ZNF536: variants seen among roughly 807,000 people sequenced by gnomAD.
ZNF536 encodes zinc finger protein 536.
A neutral mutation model predicts 84.5 loss-of-function variants in ZNF536; 13 were observed. The observed-to-expected ratio is 0.15, with a 90% CI of 0.10 to 0.24. The LOEUF (loss-of-function observed/expected upper bound fraction) is 0.24, where lower values mean the gene tolerates loss of function less well. ZNF536 is among the 10% of genes least tolerant of loss of function. The probability of loss-of-function intolerance (pLI) is 1.00; values close to 1 mark genes in which losing one functional copy is unlikely to be tolerated. For missense variants in ZNF536, 1,536 were observed against 1,747.5 expected, an observed-to-expected ratio of 0.88 and a Z score of 2.16; for synonymous variants, 811 against 742.5, an observed-to-expected ratio of 1.09 and a Z score of -1.50.
intron 2 of ZNF536, among the ~76,000 whole-genome samples, chr19:30,321,757 C>CTTTT (rs1568330298): frequency 1.4e-5 from 2 of 144,660 alleles, no homozygotes; most frequent in Non-Finnish European, 3.0e-5. Context: ...TTTTTGTTTT[C>CTTTT]TTTTTTCTTT....
intron 1 of ZNF536, among the ~76,000 whole-genome samples, chr19:30,606,100 G>T (rs930135142): frequency 3.3e-5 from 5 of 150,704 alleles, no homozygotes; most frequent in Non-Finnish European, 7.4e-5. Context: ...GCTGCACTGA[G>T]CCATGATTGT....
At chr19:30,371,695 G>A (rs2048617770), upstream of ZNF536, among the ~76,000 whole-genome samples, 2 of 151,102 alleles carry the variant, frequency 1.3e-5, no homozygotes, top group Admixed American at 6.6e-5. Context: ...GAAAGGAGGG[G>A]GCATTGCCAG....
At chr19:30,543,325 C>A (rs573759431) in intron 3 of ZNF536, among the ~76,000 whole-genome samples, 2 of 152,214 alleles carry the variant, frequency 1.3e-5, no homozygotes, top group African/African-American at 2.4e-5. Flanking sequence ...CCCTGGAAAC[C>A]TTGGGAGGCA....
intron 2 of ZNF536, among the ~76,000 whole-genome samples, chr19:30,313,112 C>G (rs557806538): frequency 2.0e-5 from 3 of 152,206 alleles, no homozygotes; most frequent in Admixed American, 6.5e-5. Flanking sequence ...GTGACAAGGC[C>G]GTGGCAGACA....
chr19:30,499,735 C>T (rs888850274), intron 2 of ZNF536, among the ~76,000 whole-genome samples: 6 of 152,164 alleles, frequency 3.9e-5, no homozygotes, highest in Admixed American at 3.9e-4. Context: ...GACATCTGTC[C>T]TCTGTTGTTA....
intron 1 of ZNF536, among the ~76,000 whole-genome samples, chr19:30,669,960 C>G (rs1795317241): frequency 6.6e-6 from 1 of 152,166 alleles, no homozygotes; most frequent in South Asian, 2.1e-4. Context: ...ACGAAGTGGG[C>G]AAAAGAGCTG....
At chr19:30,316,823 T>C (rs1400169167) in intron 2 of ZNF536, among the ~76,000 whole-genome samples, 1 of 152,226 alleles carries the variant, frequency 6.6e-6, no homozygotes, top group Non-Finnish European at 1.5e-5. Flanking sequence ...TTTCCTGGCC[T>C]GTGCAGGCCG....
intron 1 of ZNF536, among the ~76,000 whole-genome samples, chr19:30,576,623 G>A (rs1007510414): frequency 1.1e-4 from 16 of 152,214 alleles, no homozygotes; most frequent in Non-Finnish European, 2.4e-4. Flanking sequence ...TCCTGGTCAT[G>A]GGGACCCACT....
chr19:30,445,165 C>T lies in ZNF536; in HGVS notation c.1603C>T (p.His535Tyr). ...QLMARGMAME[H>Y]GFLSKEHPLQ... ...CATGGCCAGGGGCATGGCCATGGAA[C>T]ATGGCTTCTTGTCTAAAGAGCATCC... Residue 535 changes from histidine (H) to tyrosine (Y), a missense_variant, in exon 2 of 5, where the codon CAT becomes TAT. His to Tyr is a moderately conservative substitution (Grantham distance 83, BLOSUM62 2). Coordinates refer to ENST00000355537, the MANE Select transcript of ZNF536 (RefSeq NM_014717.3). The surrounding 1 kb of genome is among the most constrained non-coding windows in gnomAD (Gnocchi z 4.5). 1 of 1,614,126 alleles carries T rather than the reference C, an allele frequency of 6.2e-7. No individual in the cohort carries two copies. The highest frequency in any genetic ancestry group is 8.5e-7 in the Non-Finnish European group (1 of 1,180,026).
At position 30,541,499 on chromosome 19, in the gene ZNF536, G is replaced by A. The variant is rs191539592; in HGVS notation, c.2324-6444G>A. On this transcript the variant is annotated intron_variant, in intron 3 of 4. Transcript: ENST00000355537. ...TATATCTGAGAGGAACTAAAAGCCC[G>A]GTTTATTCCTCCTCTGTTCCCTATC... Among the ~76,000 whole-genome samples, 365 of 151,844 alleles carry A rather than the reference G, an allele frequency of 2.4e-3. 1 individual carries two copies. The highest frequency in any genetic ancestry group is 8.4e-3 in the African/African-American group (347 of 41,404).
chr19:30,465,032 T>A (rs1370982965), intron 2 of ZNF536, among the ~76,000 whole-genome samples: 1 of 151,870 alleles, frequency 6.6e-6, no homozygotes, highest in Non-Finnish European at 1.5e-5. Context: ...GGCAACAGAG[T>A]GGTCATTGGA....
chr19:30,471,078 C>T (rs1234279048), intron 2 of ZNF536, among the ~76,000 whole-genome samples: 1 of 151,872 alleles, frequency 6.6e-6, no homozygotes. Flanking sequence ...ACCTCGTCCT[C>T]CCAAAGTGCT....
At chr19:30,641,633 C>G (rs976126500) in intron 1 of ZNF536, among the ~76,000 whole-genome samples, 1 of 152,192 alleles carries the variant, frequency 6.6e-6, no homozygotes, top group Admixed American at 6.5e-5. Context: ...TCCATCTTCA[C>G]CCTCGTGCTT....
chr19:30,699,096 A>G (rs1280432634), intron 1 of ZNF536, among the ~76,000 whole-genome samples: 1 of 152,126 alleles, frequency 6.6e-6, no homozygotes, highest in Non-Finnish European at 1.5e-5. Context: ...CCACTCCACC[A>G]TCAATATGTG....
At chr19:30,235,980 A>C (rs1030822584) in intron 1 of ZNF536, among the ~76,000 whole-genome samples, 3 of 152,262 alleles carry the variant, frequency 2.0e-5, no homozygotes, top group Non-Finnish European at 4.4e-5. Flanking sequence ...TGGATTCCAC[A>C]GCATCAGAGA....
At chr19:30,417,544 C>T (rs917616823) in intron 1 of ZNF536, among the ~76,000 whole-genome samples, 2 of 151,988 alleles carry the variant, frequency 1.3e-5, no homozygotes, top group Non-Finnish European at 2.9e-5. Flanking sequence ...ATGGAATTCT[C>T]TAAATACAAA....
intron 1 of ZNF536, among the ~76,000 whole-genome samples, chr19:30,617,333 C>CTTTTTTTTTT (rs556835599): frequency 0.018 from 681 of 37,696 alleles, 237 homozygotes; most frequent in Non-Finnish European, 0.03. Flanking sequence ...GAATAGCTTA[C>CTTTTTTTTTT]TTTTTTTTTT....
intron 2 of ZNF536, among the ~76,000 whole-genome samples, chr19:30,473,944 G>A (rs2053744268): frequency 6.6e-6 from 1 of 152,208 alleles, no homozygotes; most frequent in African/African-American, 2.4e-5. Flanking sequence ...CAAATGTGCT[G>A]TCTGTACAAT....
chr19:30,401,938 G>A (rs1462232336), intron 1 of ZNF536, among the ~76,000 whole-genome samples: 12 of 152,214 alleles, frequency 7.9e-5, no homozygotes, highest in Admixed American at 4.6e-4. Flanking sequence ...AATAAAGACT[G>A]TGAAATGTGC....
Sources: allele counts gnomAD v4.1 joint callset (sites outside exome capture counted in the v4.1 genomes callset), GRCh38; gene constraint gnomAD v4.1.1; non-coding constraint Gnocchi (gnomAD v3.1); transcripts MANE v1.5; gene names NCBI Gene and HGNC (gene_info 2026-07-23, HGNC 2026-07-21).